The following HIPK3 variants were observed in gnomAD, a reference collection of about 807,000 sequenced individuals.
The protein encoded by HIPK3 is homeodomain interacting protein kinase 3, also known as homeodomain-interacting protein kinase 3.
Under a neutral mutation model 124.2 loss-of-function variants are expected in HIPK3, and 47 were observed. The ratio of observed to expected loss-of-function variants is 0.38; its 90% CI spans 0.30 to 0.48. The LOEUF is 0.48. Ranked by LOEUF, HIPK3 falls within the 20% of genes least tolerant of loss-of-function variation. The pLI, the probability that HIPK3 is intolerant of heterozygous loss-of-function variation, is 0.98. For missense variants in HIPK3, 1,286 were observed against 1,454.3 expected (o/e 0.88, Z 1.88); for synonymous variants, 482 against 515.2 (o/e 0.94, Z 0.87).
At chr11:33,263,867 A>G (rs924005920) in intron 1 of HIPK3, among the ~76,000 whole-genome samples, 21 of 152,210 alleles carry the variant, frequency 1.4e-4, no homozygotes, top group African/African-American at 4.8e-4. Context: ...TTTTTCTACA[A>G]TTAAAACAAA....
chr11:33,275,132 C>G (rs1301515874), intron 1 of HIPK3, among the ~76,000 whole-genome samples: 1 of 151,968 alleles, frequency 6.6e-6, no homozygotes. Flanking sequence ...CTCCGCCTCT[C>G]GAGCTCAAGT....
At chr11:33,310,320 A>ATCTAATCTATCTATCTG (rs1852297646) in intron 2 of HIPK3, among the ~76,000 whole-genome samples, 2 of 150,060 alleles carry the variant, frequency 1.3e-5, no homozygotes, top group Admixed American at 1.3e-4. Context: ...CTATCTATCT[A>ATCTAATCTATCTATCTG]TTCTATTGAG....
intron 2 of HIPK3, among the ~76,000 whole-genome samples, chr11:33,295,477 C>G (rs1206088830): frequency 2.0e-5 from 3 of 152,228 alleles, no homozygotes; most frequent in Non-Finnish European, 4.4e-5. Flanking sequence ...AACGTGAATT[C>G]AAGCTTATGT....
At chr11:33,303,715 A>T (rs898500859) in intron 2 of HIPK3, among the ~76,000 whole-genome samples, 1 of 152,182 alleles carries the variant, frequency 6.6e-6, no homozygotes, top group Non-Finnish European at 1.5e-5. Context: ...TATTAACAGC[A>T]TGTGTGCCAC....
rs552946423 is a variant in HIPK3, at chr11:33,335,188, G to A, written c.1222-1887G>A. ...TGGAGATATAGAGTCCAGCCAGGTTGAAAGTTTCAATAAGCGGTTGGGCCT... is the reference window on the plus strand; with the variant it reads ...TGGAGATATAGAGTCCAGCCAGGTTAAAAGTTTCAATAAGCGGTTGGGCCT... On this transcript the variant is annotated intron_variant, in intron 3 of 16. Coordinates refer to ENST00000303296, the MANE Select transcript of HIPK3 (RefSeq NM_005734.5). Among the ~76,000 whole-genome samples, 5 of 152,292 alleles carry A rather than the reference G, an allele frequency of 3.3e-5. No individual in the cohort carries two copies. In the South Asian group the frequency reaches 1.0e-3, roughly 32 times the overall value.
At chr11:33,274,186 A>C (rs1321143398) in intron 1 of HIPK3, among the ~76,000 whole-genome samples, 1 of 152,186 alleles carries the variant, frequency 6.6e-6, no homozygotes, top group Non-Finnish European at 1.5e-5. Flanking sequence ...AGCAGTGGGC[A>C]TTCGGTCAAA....
chr11:33,306,473 T>TTA (rs1554965022), intron 2 of HIPK3, among the ~76,000 whole-genome samples: 1 of 151,872 alleles, frequency 6.6e-6, no homozygotes, highest in Admixed American at 6.6e-5. Context: ...TGCTTTTTTT[T>TTA]AAAAAAAATT....
chr11:33,305,860 T>A (rs1307444996), intron 2 of HIPK3, among the ~76,000 whole-genome samples: 10 of 152,064 alleles, frequency 6.6e-5, no homozygotes, highest in Non-Finnish European at 5.9e-5. Context: ...TTTATTTTTT[T>A]TTTGGAGACA....
intron 3 of HIPK3, among the ~76,000 whole-genome samples, chr11:33,334,062 G>A (rs550487996): frequency 6.6e-6 from 1 of 152,088 alleles, no homozygotes; most frequent in Non-Finnish European, 1.5e-5. Flanking sequence ...GCACTTTAAC[G>A]AAATGAAGCC....
chr11:33,307,927 A>G (rs955960993), intron 2 of HIPK3, among the ~76,000 whole-genome samples: 3 of 152,056 alleles, frequency 2.0e-5, no homozygotes, highest in Non-Finnish European at 4.4e-5. Flanking sequence ...ATAGTTTAAT[A>G]TGTTTTTATT....
At chr11:33,349,891 C>T (rs559733405) in intron 14 of HIPK3, among the ~76,000 whole-genome samples, 1 of 152,234 alleles carries the variant, frequency 6.6e-6, no homozygotes, top group African/African-American at 2.4e-5. Flanking sequence ...CCTCAGCCTC[C>T]CATGTAGCTG....
chr11:33,326,920 A>G (rs903765321), intron 2 of HIPK3, among the ~76,000 whole-genome samples: 9 of 152,136 alleles, frequency 5.9e-5, no homozygotes, highest in East Asian at 1.9e-4. Flanking sequence ...GGCTCAAGCA[A>G]TCCTACCATG....
chr11:33,277,514 A>G (rs1851304077), intron 1 of HIPK3, among the ~76,000 whole-genome samples: 1 of 152,216 alleles, frequency 6.6e-6, no homozygotes, highest in African/African-American at 2.4e-5. Context: ...ATATATAATA[A>G]TTGTGATATG....
intron 2 of HIPK3, among the ~76,000 whole-genome samples, chr11:33,320,254 GT>G (rs1055126776): frequency 6.6e-6 from 1 of 152,216 alleles, no homozygotes; most frequent in Non-Finnish European, 1.5e-5. Flanking sequence ...TCTAATTTAT[GT>G]ATTAAATGGA....
chr11:33,332,975 G>C (rs1398044804), intron 3 of HIPK3, among the ~76,000 whole-genome samples: 1 of 152,128 alleles, frequency 6.6e-6, no homozygotes, highest in Non-Finnish European at 1.5e-5. Flanking sequence ...AGAGATGGGG[G>C]AGATGGGTAC....
rs146306124 is a variant in HIPK3, at chr11:33,346,729, A to T, written c.1898-564A>T. 2.2e-4 allele frequency among the ~76,000 whole-genome samples: 34 copies of T among 152,342 alleles called. No individual in the cohort carries two copies. The East Asian group carries it at 6.4e-3, about 29-fold the overall frequency. Reference sequence around the variant, plus strand: ...ACTTCGGAGATGAGAAGTTTCAAGAAAATTAAATCGTTCAACTTTGTAGTA... The same window carrying T: ...ACTTCGGAGATGAGAAGTTTCAAGATAATTAAATCGTTCAACTTTGTAGTA... On this transcript the variant is annotated intron_variant, in intron 8 of 16. Transcript: ENST00000303296.
At chr11:33,275,927 C>T (rs188533706) in intron 1 of HIPK3, among the ~76,000 whole-genome samples, 46 of 152,332 alleles carry the variant, frequency 3.0e-4, no homozygotes, top group Admixed American at 9.2e-4. Flanking sequence ...CTCTGGGCTA[C>T]GCCTACCATA....
rs1221381824 is a variant in HIPK3, at chr11:33,273,275, C to T, written c.-2-13138C>T. On this transcript the variant is annotated intron_variant, in intron 1 of 16. Coordinates refer to ENST00000303296, the MANE Select transcript of HIPK3 (RefSeq NM_005734.5). ...ATCCCAGCACTTTGGGAGGCCGAGG[C>T]GGGCAGATCACGAGGTCAGGAGATC... is the stretch of plus-strand genomic sequence containing the variant. 2.6e-5 allele frequency among the ~76,000 whole-genome samples: 4 copies of T among 151,988 alleles called. 1 individual carries two copies.
chr11:33,286,690 A>T lies in HIPK3; in HGVS notation c.276A>T (p.Thr92=), dbSNP rs1457900731. The T allele has an allele frequency of 1.2e-6, 2 of 1,614,156 alleles. No individual in the cohort carries two copies. Among genetic ancestry groups the T allele is most frequent in the Non-Finnish European group, 1.7e-6 (2 of 1,180,034 alleles). ...TTTTGAAAAACACTGCAGGTGCTAC[A>T]AAGGTCATAGCAGCTCAGGCACAGC... ...AVVLKNTAGA[T]KVIAAQAQQA... is the part of the protein sequence containing the mutation. Residue 92 remains threonine (T), a synonymous_variant, in exon 2 of 17, where the codon ACA becomes ACT. Coordinates refer to ENST00000303296, the MANE Select transcript of HIPK3 (RefSeq NM_005734.5).
Sources: gnomAD v4.1 joint callset for allele counts (sites outside exome capture counted in the v4.1 genomes callset) on GRCh38, gnomAD v4.1.1 for gene constraint, MANE v1.5 for transcripts, NCBI Gene and HGNC (gene_info 2026-07-23, HGNC 2026-07-21) for gene names.